Variants in PSD3 observed in about 807,000 individuals in gnomAD.
The protein encoded by PSD3 is PH and SEC7 domain-containing protein 3.
A neutral mutation model predicts 105.5 loss-of-function variants in PSD3; 49 were observed. The observed-to-expected ratio is 0.46, with a 90% CI of 0.37 to 0.59. The LOEUF (loss-of-function observed/expected upper bound fraction) is 0.59. Ranked by LOEUF, PSD3 falls within the 20% of genes least tolerant of loss-of-function variation. The pLI is 0.00. For synonymous variants in PSD3, 557 were observed against 457.8 expected, an observed-to-expected ratio of 1.22 and a Z score of -2.77; for missense variants, 1,561 against 1,263.8, an observed-to-expected ratio of 1.24 and a Z score of -3.57.
intron 1 of PSD3, among the ~76,000 whole-genome samples, chr8:19,070,422 A>C (rs1829215134): frequency 6.6e-6 from 1 of 151,744 alleles, no homozygotes; most frequent in Non-Finnish European, 1.5e-5. Context: ...AGATATAAAA[A>C]TATAAACAGT....
chr8:18,821,532 G>A (rs1381927505), intron 4 of PSD3, among the ~76,000 whole-genome samples: 4 of 152,032 alleles, frequency 2.6e-5, no homozygotes, highest in Non-Finnish European at 5.9e-5. Context: ...AAAATTACAA[G>A]CTCTTGAGTT....
chr8:18,666,902 T>C (rs749509577), intron 9 of PSD3, among the ~76,000 whole-genome samples: 4 of 152,198 alleles, frequency 2.6e-5, no homozygotes, highest in Non-Finnish European at 5.9e-5. Flanking sequence ...GGTGGGTTCT[T>C]GGTCTCACTG....
chr8:18,880,239 A>G (rs1363225492), intron 2 of PSD3, among the ~76,000 whole-genome samples: 1 of 152,204 alleles, frequency 6.6e-6, no homozygotes, highest in Non-Finnish European at 1.5e-5. Context: ...AGATTTTTTA[A>G]GCTGCTCCCT....
chr8:18,651,479 T>A (rs974860193), intron 10 of PSD3, among the ~76,000 whole-genome samples: 3 of 152,222 alleles, frequency 2.0e-5, no homozygotes, highest in Admixed American at 2.0e-4. Context: ...TTTTAAGAAA[T>A]GTGGTTCCTT....
At chr8:18,580,896 C>G (rs1802771825) in intron 12 of PSD3, among the ~76,000 whole-genome samples, 1 of 152,198 alleles carries the variant, frequency 6.6e-6, no homozygotes, top group Non-Finnish European at 1.5e-5. Flanking sequence ...GAGCCACCTA[C>G]ACCCGTCGCT....
intron 6 of PSD3, among the ~76,000 whole-genome samples, chr8:18,804,021 C>G (rs1810972927): frequency 1.3e-5 from 2 of 152,092 alleles, no homozygotes; most frequent in African/African-American, 2.4e-5. Context: ...TGCTTTGCTA[C>G]CAATTGTTTA....
chr8:18,594,182 ATAT>A lies in PSD3; in HGVS notation c.2481+6179_2481+6181del, dbSNP rs1459785072. 6.8e-5 allele frequency among the ~76,000 whole-genome samples: 3 copies of A among 43,960 alleles called. 1 individual carries two copies. The highest frequency in any genetic ancestry group is 2.3e-4 in the African/African-American group (3 of 13,218). The allele number at this position is 43,960 out of a possible 152,430, so 28.8% of individuals were successfully genotyped here. A position where few individuals can be genotyped will look rare whatever the true frequency, so the allele number is the denominator to read the frequency against. On this transcript the variant is annotated intron_variant, in intron 12 of 15. Transcript: ENST00000327040. ...TTATTATATACATATTATATAATAT[ATAT>A]TATTATATACATATTATATAATATA...
intron 11 of PSD3, among the ~76,000 whole-genome samples, chr8:18,616,628 CTTT>C (rs71217391): frequency 6.3e-5 from 8 of 126,762 alleles, no homozygotes; most frequent in Non-Finnish European, 9.8e-5. Context: ...CTTTTCTTTT[CTTT>C]TTTTTTTTTT....
chr8:18,599,305 T>C (rs1009469400), intron 12 of PSD3, among the ~76,000 whole-genome samples: 1 of 152,202 alleles, frequency 6.6e-6, no homozygotes, highest in African/African-American at 2.4e-5. Flanking sequence ...TGTTCAGGTA[T>C]AAAATGGTAC....
chr8:18,973,098 T>C (rs1040369988), intron 1 of PSD3, among the ~76,000 whole-genome samples: 1 of 152,142 alleles, frequency 6.6e-6, no homozygotes, highest in Non-Finnish European at 1.5e-5. Flanking sequence ...GCGATTCCAC[T>C]GTAAGGGCAG....
In PSD3 at chr8:18,618,201, G is replaced by A. The variant is rs931618810; in HGVS notation, c.2410+14412C>T. 6.4e-5 allele frequency among the ~76,000 whole-genome samples: 9 copies of A among 140,848 alleles called. 1 individual carries two copies. The highest frequency in any genetic ancestry group is 6.3e-4 in the Admixed American group (9 of 14,350). 92.4% of individuals were successfully genotyped at this position (140,848 alleles called of 152,430 possible). The stretch of plus-strand genomic sequence containing the variant: ...TGACAATCAGGAAATCTTTCAATCC[G>A]TCTATGACCTGGAAGCCCCTGCTTC... On this transcript the variant is annotated intron_variant, in intron 11 of 15. Transcript: ENST00000327040.
chr8:18,670,794 C>G (rs371808116), intron 9 of PSD3, among the ~76,000 whole-genome samples: 1 of 152,090 alleles, frequency 6.6e-6, no homozygotes, highest in Admixed American at 6.6e-5. Context: ...TATCTGGGCA[C>G]GAATAGAACA....
chr8:19,056,042 T>C (rs1828700280), intron 1 of PSD3, among the ~76,000 whole-genome samples: 4 of 152,376 alleles, frequency 2.6e-5, no homozygotes, highest in African/African-American at 9.6e-5. Context: ...CAGTCTGACT[T>C]CTTTTCTTCT....
At chr8:18,560,257 A>G (rs1801320227) in intron 14 of PSD3, among the ~76,000 whole-genome samples, 1 of 152,022 alleles carries the variant, frequency 6.6e-6, no homozygotes, top group South Asian at 2.1e-4. Context: ...AATGGTAAAA[A>G]ACAACGGGAG....
intron 9 of PSD3, among the ~76,000 whole-genome samples, chr8:18,723,973 G>T (rs1803172073): frequency 6.6e-6 from 1 of 152,080 alleles, no homozygotes; most frequent in African/African-American, 2.4e-5. Context: ...AGTCACAGCA[G>T]TGAAACACTA....
At chr8:19,041,061 T>C (rs1005140594) in intron 1 of PSD3, among the ~76,000 whole-genome samples, 1 of 151,932 alleles carries the variant, frequency 6.6e-6, no homozygotes. Context: ...TCCAGCTAAT[T>C]TTTAAATGTG....
chr8:18,693,986 T>G (rs902960741), intron 9 of PSD3, among the ~76,000 whole-genome samples: 2 of 152,174 alleles, frequency 1.3e-5, no homozygotes, highest in Admixed American at 6.5e-5. Context: ...GTAGTAACAC[T>G]GGACCCTGAA....
intron 8 of PSD3, among the ~76,000 whole-genome samples, chr8:18,786,069 A>G (rs1453517618): frequency 6.6e-6 from 1 of 152,116 alleles, no homozygotes; most frequent in Admixed American, 6.5e-5. Flanking sequence ...ACTTACAATA[A>G]AAAGTTTCCC....
chr8:18,973,146 C>G (rs1403685508), intron 1 of PSD3, among the ~76,000 whole-genome samples: 4 of 152,160 alleles, frequency 2.6e-5, no homozygotes, highest in Non-Finnish European at 5.9e-5. Flanking sequence ...TCTGGGGGTT[C>G]TGAGTTCATC....
Sources: allele counts gnomAD v4.1 joint callset (sites outside exome capture counted in the v4.1 genomes callset), GRCh38; gene constraint gnomAD v4.1.1; transcripts MANE v1.5; gene names NCBI Gene and HGNC (gene_info 2026-07-23, HGNC 2026-07-21).